Variants in THOC2 observed in about 807,000 individuals in gnomAD.
THOC2 encodes the protein THO complex subunit 2, also known as THO complex 2.
In THOC2, 10 loss-of-function variants were observed where a neutral mutation model predicts 128.4. That is an observed-to-expected ratio of 0.08 (90% CI 0.05 to 0.13). The LOEUF is 0.13. THOC2 is among the 10% of genes least tolerant of loss of function. THOC2 has a pLI of 1.00. For synonymous variants in THOC2, 393 were observed against 396.9 expected (o/e 0.99, Z 0.12); for missense variants, 535 against 1,155.7 (o/e 0.46, Z 7.79).
intron 36 of THOC2, among the ~76,000 whole-genome samples, chrX:123,611,930 A>G (rs1179665014): frequency 9.0e-6 from 1 of 110,617 alleles, no homozygotes; most frequent in Non-Finnish European, 1.9e-5. Flanking sequence ...GTTCAGCATC[A>G]TTAGTTATTA....
chrX:123,627,111 C>T (rs1289949520), intron 23 of THOC2, among the ~76,000 whole-genome samples: 3 of 112,410 alleles, frequency 2.7e-5, no homozygotes, highest in African/African-American at 9.7e-5. Flanking sequence ...TACTATCCTG[C>T]TCAGGAATCT....
At chrX:123,720,787 C>CA (rs1481325174) in intron 1 of THOC2, among the ~76,000 whole-genome samples, 1 of 112,041 alleles carries the variant, frequency 8.9e-6, no homozygotes, top group Non-Finnish European at 1.9e-5. Context: ...ACCTTAAGGA[C>CA]AGTGTGCTAA....
At chrX:123,603,461 C>A in intron 38 of THOC2, 2 of 447,787 alleles carry the variant, frequency 4.5e-6, no homozygotes, top group East Asian at 4.0e-5. Flanking sequence ...GTGAAATTTT[C>A]ATTAGATGCT....
At chrX:123,732,856 T>C (rs1430761656) in intron 1 of THOC2, 96 bp downstream of exon 1, 7 of 924,963 alleles carry the variant, frequency 7.6e-6, no homozygotes, top group Middle Eastern at 2.7e-4. Flanking sequence ...GGGGAGGGGG[T>C]ACATCTTTCC....
chrX:123,661,098 G>A (rs1042647687), intron 12 of THOC2, among the ~76,000 whole-genome samples: 83 of 112,711 alleles, frequency 7.4e-4, no homozygotes, highest in African/African-American at 2.4e-3. Context: ...TCTCACTCGT[G>A]TGAAAGCTAA....
chrX:123,695,920 A>C, intron 7 of THOC2, 101 bp downstream of exon 7: 1 of 573,030 alleles, frequency 1.7e-6, no homozygotes, highest in Non-Finnish European at 2.6e-6. Context: ...ACTGAAAAAA[A>C]AAATAGATGG....
At chrX:123,666,037 C>T (rs767908489) in intron 11 of THOC2, among the ~76,000 whole-genome samples, 200 bp from the exon 12 acceptor site, 1 of 110,628 alleles carries the variant, frequency 9.0e-6, no homozygotes, top group Non-Finnish European at 1.9e-5. Context: ...GGTAGAAACA[C>T]ATAAAAACAA....
Position 123,693,196 on chromosome X carries a change from C to T in THOC2, c.601+2825G>A, listed in dbSNP as rs147906730. Among the ~76,000 whole-genome samples the T allele has an allele frequency of 1.3e-4, 15 of 112,530 alleles. No individual in the cohort carries two copies. The East Asian group carries it at 3.9e-3, about 29-fold the overall frequency. ...CATTCAGGCCGTGTCCGGGGGCTCA[C>T]GCCTGTAATCCCAACACTTTGGGAG... On this transcript the variant is annotated intron_variant, in intron 7 of 38. Coordinates refer to ENST00000245838, the MANE Select transcript of THOC2 (RefSeq NM_001081550.2).
rs1409873585 is a variant in THOC2, at chrX:123,668,308, G to A, written c.868C>T (p.Pro290Ser). Residue 290 changes from proline to serine, a missense_variant, in exon 10 of 39, where the codon CCG (proline) becomes TCG (serine). Coordinates refer to ENST00000245838, the MANE Select transcript of THOC2 (RefSeq NM_001081550.2). ...DLDDLYVHLL[P>S]ADNCIMDEHK... ...TCATCCATAATGCAATTATCAGCCGGAAGAAGCTAAAAATGGTACATTAAA... is the reference window on the plus strand; with the variant it reads ...TCATCCATAATGCAATTATCAGCCGAAAGAAGCTAAAAATGGTACATTAAA... The A allele has an allele frequency of 8.5e-7, 1 of 1,170,625 alleles. No individual in the cohort carries two copies.
At chrX:123,657,403 A>G (rs759146387) in intron 12 of THOC2, among the ~76,000 whole-genome samples, 7 of 111,018 alleles carry the variant, frequency 6.3e-5, no homozygotes, top group African/African-American at 2.3e-4. Context: ...ACCAAGCAAG[A>G]CAGATGCAAA....
At chrX:123,708,337 C>T (rs185806810) in intron 2 of THOC2, among the ~76,000 whole-genome samples, 100 of 111,554 alleles carry the variant, frequency 9.0e-4, no homozygotes, top group African/African-American at 2.5e-3. Flanking sequence ...ACTATATCTA[C>T]GTTGTGCTTT....
At chrX:123,681,850 G>A (rs766240491) in intron 8 of THOC2, among the ~76,000 whole-genome samples, 8 of 111,741 alleles carry the variant, frequency 7.2e-5, no homozygotes, top group Non-Finnish European at 9.4e-5. Flanking sequence ...ACCTGAGGTC[G>A]GGAATTCGGG....
chrX:123,672,310 T>A (rs2049310912), intron 8 of THOC2, among the ~76,000 whole-genome samples: 1 of 107,333 alleles, frequency 9.3e-6, no homozygotes. Context: ...AGCTTTTTTT[T>A]TTTTTTAGTA....
At chrX:123,607,426 C>T (rs906701995) in intron 38 of THOC2, among the ~76,000 whole-genome samples, 8 of 106,105 alleles carry the variant, frequency 7.5e-5, no homozygotes, top group African/African-American at 2.4e-4. Flanking sequence ...CAGGTGCATA[C>T]TACCATGCCT....
chrX:123,613,970 T>C (rs1452142681), intron 34 of THOC2, 82 bp downstream of exon 34: 3 of 933,933 alleles, frequency 3.2e-6, no homozygotes, highest in East Asian at 3.1e-5. Flanking sequence ...TGGAACAAAC[T>C]AGTATTTTTT....
intron 1 of THOC2, among the ~76,000 whole-genome samples, chrX:123,730,859 G>A (rs778868832): frequency 8.9e-6 from 1 of 111,958 alleles, no homozygotes; most frequent in African/African-American, 3.2e-5. Context: ...CAGGAGAATC[G>A]CTTGAACGTG....
At chrX:123,661,676 T>A (rs182915280) in intron 12 of THOC2, among the ~76,000 whole-genome samples, 4 of 111,714 alleles carry the variant, frequency 3.6e-5, no homozygotes, top group African/African-American at 1.3e-4. Context: ...TTAGAAATGA[T>A]ATACTTCCAT....
intron 22 of THOC2, among the ~76,000 whole-genome samples, chrX:123,628,289 G>A (rs1283464913): frequency 1.8e-5 from 2 of 111,347 alleles, no homozygotes; most frequent in Non-Finnish European, 1.9e-5. Context: ...CCCTCTTGCT[G>A]CTGTATCAGG....
At chrX:123,634,182 G>A in intron 19 of THOC2, 112 bp from the exon 20 acceptor site, 1 of 416,681 alleles carries the variant, frequency 2.4e-6, no homozygotes, top group Non-Finnish European at 4.0e-6. Context: ...TATAAATATG[G>A]GGGAAGGGGC....
Sources: allele counts gnomAD v4.1 joint callset (sites outside exome capture counted in the v4.1 genomes callset), GRCh38; gene constraint gnomAD v4.1.1; transcripts MANE v1.5; gene names NCBI Gene and HGNC (gene_info 2026-07-23, HGNC 2026-07-21).